PTPRN2: variants seen among roughly 807,000 people sequenced by gnomAD.
The protein encoded by PTPRN2 is receptor-type tyrosine-protein phosphatase N2.
PTPRN2 carries 74 observed loss-of-function variants against 118.8 expected under a neutral mutation model. That is an observed-to-expected ratio of 0.62 (90% CI 0.52 to 0.76). The LOEUF is 0.76. Ranked by LOEUF, PTPRN2 falls within the 30% of genes least tolerant of loss-of-function variation. The pLI, the probability that PTPRN2 is intolerant of heterozygous loss-of-function variation, is 0.00. For synonymous variants in PTPRN2, 641 were observed against 608.0 expected (o/e 1.05, Z -0.80); for missense variants, 1,481 against 1,394.4 (o/e 1.06, Z -0.99).
At chr7:157,701,006 G>A (rs60613308) in intron 12 of PTPRN2, among the ~76,000 whole-genome samples, 24,124 of 152,236 alleles carry the variant, frequency 0.16, 2,855 homozygotes, top group East Asian at 0.45. Flanking sequence ...GCACGCTTTC[G>A]CACACGTGGA....
chr7:157,860,748 T>C lies in PTPRN2; in HGVS notation c.1788+37925A>G, dbSNP rs74820363. On this transcript the variant is annotated intron_variant, in intron 12 of 22. Transcript: ENST00000389418. ...CTGTGGGTAGAGAGCAGACAGTTTC[T>C]TATATTTATACAAATACACATAGTT... Among the ~76,000 whole-genome samples, 514 of 152,390 alleles carry C rather than the reference T, an allele frequency of 3.4e-3. 2 individuals are homozygous for C. Among genetic ancestry groups the C allele is most frequent in the African/African-American group, 0.012 (496 of 41,594 alleles).
chr7:158,052,733 G>A (rs1809431750), intron 11 of PTPRN2, among the ~76,000 whole-genome samples: 1 of 151,522 alleles, frequency 6.6e-6, no homozygotes, highest in Non-Finnish European at 1.5e-5. Context: ...GGACCTCCTG[G>A]AGAGGGTAGA....
chr7:158,070,717 T>TGGTGGCGGAGGTGCCC (rs1811256911), intron 11 of PTPRN2, among the ~76,000 whole-genome samples: 1 of 47,946 alleles, frequency 2.1e-5, no homozygotes, highest in Non-Finnish European at 3.6e-5. Flanking sequence ...CGGAGGTGCC[T>TGGTGGCGGAGGTGCCC]GTGGTGTGGA....
chr7:158,392,917 T>A (rs545883799), intron 2 of PTPRN2, among the ~76,000 whole-genome samples: 2 of 152,178 alleles, frequency 1.3e-5, no homozygotes, highest in East Asian at 3.9e-4. Context: ...AAGAACAGGG[T>A]GATGAGAACT....
At chr7:157,975,884 T>C (rs1369427419) in intron 11 of PTPRN2, among the ~76,000 whole-genome samples, 1 of 152,226 alleles carries the variant, frequency 6.6e-6, no homozygotes, top group Non-Finnish European at 1.5e-5. Context: ...GAGGTCCAGC[T>C]GCTCTGAGCC....
intron 5 of PTPRN2, among the ~76,000 whole-genome samples, chr7:158,175,140 G>A (rs569379966): frequency 6.6e-6 from 1 of 152,302 alleles, no homozygotes; most frequent in East Asian, 1.9e-4. Flanking sequence ...AACAAATTAG[G>A]AAGCCCAAGT....
chr7:157,730,259 C>T (rs1399119817), intron 12 of PTPRN2, among the ~76,000 whole-genome samples: 1 of 152,096 alleles, frequency 6.6e-6, no homozygotes, highest in Non-Finnish European at 1.5e-5. Context: ...CAGAGTTGCT[C>T]TTTAACTGTG....
intron 1 of PTPRN2, among the ~76,000 whole-genome samples, chr7:158,512,826 G>C (rs1337220371): frequency 6.6e-6 from 1 of 152,230 alleles, no homozygotes; most frequent in Non-Finnish European, 1.5e-5. Context: ...CAAAGGGACA[G>C]TTTGTGTGAG....
intron 14 of PTPRN2, among the ~76,000 whole-genome samples, chr7:157,625,007 A>G (rs1803482973): frequency 6.6e-6 from 1 of 152,242 alleles, no homozygotes; most frequent in Non-Finnish European, 1.5e-5. Flanking sequence ...GATCAGGGAA[A>G]TGCATATCAA....
At chr7:158,246,521 C>T (rs894214182) in intron 3 of PTPRN2, among the ~76,000 whole-genome samples, 10 of 150,842 alleles carry the variant, frequency 6.6e-5, no homozygotes, top group Non-Finnish European at 1.5e-4. Context: ...AAAATGTGAG[C>T]GTTTCACAAG....
At chr7:158,174,474 CCCACCATCATCATCATCAGCAGCAGCA>C (rs1360614632) in intron 5 of PTPRN2, among the ~76,000 whole-genome samples, 1 of 151,746 alleles carries the variant, frequency 6.6e-6, no homozygotes, top group African/African-American at 2.4e-5. Context: ...CCATCAGCTT[CCCACCATCATCATCATCAGCAGCAGCA>C]GCACCATCAT....
chr7:157,706,580 C>T (rs545113726), intron 12 of PTPRN2, among the ~76,000 whole-genome samples: 1 of 151,864 alleles, frequency 6.6e-6, no homozygotes, highest in Middle Eastern at 3.4e-3. Flanking sequence ...CACATCCTTC[C>T]AGAATGCTGG....
chr7:157,703,647 G>A (rs1360648132), intron 12 of PTPRN2, among the ~76,000 whole-genome samples: 1 of 152,182 alleles, frequency 6.6e-6, no homozygotes, highest in Non-Finnish European at 1.5e-5. Context: ...CAGCCAGGCA[G>A]AGGCACCTGC....
In PTPRN2 at chr7:157,759,640, A is replaced by G. The variant is rs139958092; in HGVS notation, c.1789-76703T>C. 7.7e-3 allele frequency among the ~76,000 whole-genome samples: 1,174 copies of G among 152,294 alleles called. 22 individuals are homozygous for G. Among genetic ancestry groups the G allele is most frequent in the African/African-American group, 0.027 (1,109 of 41,562 alleles). Reference sequence around the variant, plus strand: ...ACTGTCCGGGGCGGCCTGGCTTTTTATCTTCAGCGGTTGCTGTTATTGGTC... The same window carrying G: ...ACTGTCCGGGGCGGCCTGGCTTTTTGTCTTCAGCGGTTGCTGTTATTGGTC... On this transcript the variant is annotated intron_variant, in intron 12 of 22. Coordinates refer to ENST00000389418, the MANE Select transcript of PTPRN2 (RefSeq NM_002847.5).
intron 19 of PTPRN2, among the ~76,000 whole-genome samples, chr7:157,573,747 C>T (rs899031324): frequency 1.3e-5 from 2 of 152,202 alleles, no homozygotes; most frequent in Non-Finnish European, 2.9e-5. Flanking sequence ...CAACCTGCTT[C>T]CCCACTCCCG....
At chr7:158,329,782 C>T (rs1586287654) in intron 2 of PTPRN2, among the ~76,000 whole-genome samples, 1 of 152,110 alleles carries the variant, frequency 6.6e-6, no homozygotes, top group South Asian at 2.1e-4. Context: ...GAGTCGCAAC[C>T]CAAGATCTGT....
chr7:158,240,291 AC>A (rs1439432996), intron 3 of PTPRN2, among the ~76,000 whole-genome samples: 15 of 152,192 alleles, frequency 9.9e-5, no homozygotes, highest in Non-Finnish European at 1.6e-4. Context: ...AGAACATAAA[AC>A]TAGCACATTA....
intron 3 of PTPRN2, among the ~76,000 whole-genome samples, chr7:158,276,979 T>A (rs10234349): frequency 0.75 from 114,651 of 151,960 alleles, 43,584 homozygotes; most frequent in Middle Eastern, 0.85. Flanking sequence ...AGGACCGGGC[T>A]CCGTCCCCTC....
rs886228214 is a variant in PTPRN2 at position 157,787,199 on chromosome 7, C to T, written c.1789-104262G>A. On this transcript the variant is annotated intron_variant, in intron 12 of 22. Coordinates refer to ENST00000389418, the MANE Select transcript of PTPRN2 (RefSeq NM_002847.5). The surrounding 1 kb of genome is among the most constrained non-coding windows in gnomAD (Gnocchi z 5.3). ...CGGGGGTGGCTGCCCGGGACTGGCT[C>T]TTCTGGAAGCAATTCGTGGGAAACC... 6.6e-6 allele frequency among the ~76,000 whole-genome samples: 1 copy of T among 151,316 alleles called. No individual in the cohort carries two copies. Among genetic ancestry groups the T allele is most frequent in the Non-Finnish European group, 1.5e-5 (1 of 67,564 alleles).
Sources: gnomAD v4.1 joint callset for allele counts (sites outside exome capture counted in the v4.1 genomes callset) on GRCh38, gnomAD v4.1.1 for gene constraint, Gnocchi (gnomAD v3.1) non-coding constraint, MANE v1.5 for transcripts, NCBI Gene and HGNC (gene_info 2026-07-23, HGNC 2026-07-21) for gene names.